The following HDAC4 variants were observed in gnomAD, a reference collection of about 807,000 sequenced individuals.
The protein encoded by HDAC4 is histone deacetylase 4.
A neutral mutation model predicts 135.1 loss-of-function variants in HDAC4; 16 were observed. The observed-to-expected ratio is 0.12, with a 90% confidence interval of 0.08 to 0.18. The LOEUF is 0.18. Ranked by LOEUF, HDAC4 falls within the 10% of genes least tolerant of loss-of-function variation. The pLI, the probability that HDAC4 is intolerant of heterozygous loss-of-function variation, is 1.00. For synonymous variants in HDAC4, 685 were observed against 653.4 expected, an observed-to-expected ratio of 1.05 and a Z score of -0.74; for missense variants, 1,143 against 1,511.8, an observed-to-expected ratio of 0.76 and a Z score of 4.05.
In HDAC4 at chr2:239,120,617, G is replaced by A. The variant is rs545875648; in HGVS notation, c.1534-5307C>T. On this transcript the variant is annotated intron_variant, in intron 12 of 26. Coordinates refer to ENST00000543185, the MANE Select transcript of HDAC4 (RefSeq NM_001378414.1). Reference sequence around the variant, plus strand: ...GTGGGGGAGGGAAATGGGGGGGCGGGGAAGGGAAATAGGGGGAGGGGTGGG... The same window carrying A: ...GTGGGGGAGGGAAATGGGGGGGCGGAGAAGGGAAATAGGGGGAGGGGTGGG... 3.0e-3 allele frequency among the ~76,000 whole-genome samples: 371 copies of A among 122,070 alleles called. 10 individuals carry two copies. The highest frequency in any genetic ancestry group is 0.011 in the African/African-American group (358 of 33,334). 80.1% of individuals were successfully genotyped at this position (122,070 alleles called of 152,430 possible). A position where few individuals can be genotyped will look rare whatever the true frequency, so the allele number is the denominator to read the frequency against.
At chr2:239,384,054 G>A (rs1309749899) in intron 1 of HDAC4, among the ~76,000 whole-genome samples, 2 of 152,180 alleles carry the variant, frequency 1.3e-5, no homozygotes, top group East Asian at 1.9e-4. Context: ...CGAACAGCCC[G>A]GACACAGACA....
chr2:239,263,619 C>T (rs1424572040), intron 2 of HDAC4, among the ~76,000 whole-genome samples: 1 of 152,164 alleles, frequency 6.6e-6, no homozygotes, highest in Non-Finnish European at 1.5e-5. Flanking sequence ...CATCTTCATG[C>T]CTTGCCTGAG....
intron 1 of HDAC4, among the ~76,000 whole-genome samples, chr2:239,366,514 G>T (rs1694225087): frequency 6.6e-6 from 1 of 152,198 alleles, no homozygotes. Flanking sequence ...TCCACATTCT[G>T]GCCTATGATC....
intron 4 of HDAC4, among the ~76,000 whole-genome samples, chr2:239,187,997 C>G (rs1263605347): frequency 6.6e-6 from 1 of 152,242 alleles, no homozygotes; most frequent in Non-Finnish European, 1.5e-5. Context: ...GCAGCAGCAA[C>G]AACTCCCAAG....
chr2:239,207,627 T>C (rs1053767798), intron 3 of HDAC4, among the ~76,000 whole-genome samples: 2 of 152,184 alleles, frequency 1.3e-5, no homozygotes, highest in African/African-American at 4.8e-5. Context: ...AAAACTTACA[T>C]GAAGTAGACA....
chr2:239,193,983 G>A (rs1027615032), intron 3 of HDAC4, among the ~76,000 whole-genome samples: 2 of 152,202 alleles, frequency 1.3e-5, no homozygotes, highest in African/African-American at 4.8e-5. Context: ...CCATCACAAC[G>A]CAGGCACCTG....
chr2:239,070,085 C>A (rs2034017520), intron 22 of HDAC4, among the ~76,000 whole-genome samples: 1 of 152,084 alleles, frequency 6.6e-6, no homozygotes, highest in Non-Finnish European at 1.5e-5. Flanking sequence ...CTTGCTGCGA[C>A]AATGCACTTT....
intron 3 of HDAC4, among the ~76,000 whole-genome samples, chr2:239,224,706 C>T (rs1476017546): frequency 6.6e-6 from 1 of 152,170 alleles, no homozygotes; most frequent in Non-Finnish European, 1.5e-5. Flanking sequence ...TACATGTATT[C>T]CATATGCCAA....
chr2:239,380,881 C>T (rs555468097), intron 1 of HDAC4, among the ~76,000 whole-genome samples: 3 of 152,132 alleles, frequency 2.0e-5, no homozygotes, highest in Non-Finnish European at 4.4e-5. Context: ...GAGGGATGCC[C>T]GGTTTAAACG....
chr2:239,202,625 C>T (rs2153077466), intron 3 of HDAC4, among the ~76,000 whole-genome samples: 1 of 152,216 alleles, frequency 6.6e-6, no homozygotes. Context: ...TGGTCTTCAT[C>T]ACAGGGACAG....
chr2:239,156,814 G>A (rs375431164), intron 6 of HDAC4, 41 bp from the exon 7 acceptor site: 586 of 1,613,148 alleles, frequency 3.6e-4, no homozygotes, highest in Non-Finnish European at 4.8e-4. Context: ...TTTACCCAGC[G>A]CACTGCCCCA....
At chr2:239,333,228 C>T (rs896739565) in intron 2 of HDAC4, among the ~76,000 whole-genome samples, 5 of 151,710 alleles carry the variant, frequency 3.3e-5, no homozygotes, top group African/African-American at 1.2e-4. Context: ...TTTTATATAA[C>T]CTGAAAAATA....
At chr2:239,174,978 G>A (rs1349570895) in intron 5 of HDAC4, among the ~76,000 whole-genome samples, 3 of 152,192 alleles carry the variant, frequency 2.0e-5, no homozygotes, top group Admixed American at 2.0e-4. Context: ...TTATCTTTGG[G>A]GAAGGGGGAA....
rs368932930 is a variant in HDAC4 at position 239,102,885 on chromosome 2, T to C, written c.2124A>G (p.Gly708=). ...GLRGKCECIR[G]RKATLEELQT... is the part of the protein sequence containing the mutation. ...GTAGCTCCTCCAGGGTGGCCTTGCG[T>C]CCGCGGATGCACTGTGGGGACAGGC... Residue 708 remains glycine, a synonymous_variant, in exon 16 of 27, where the codon GGA becomes GGG. Coordinates refer to ENST00000543185, the MANE Select transcript of HDAC4 (RefSeq NM_001378414.1). The C allele has an allele frequency of 1.9e-6, 3 of 1,613,860 alleles. No individual in the cohort carries two copies.
chr2:239,399,188 G>GA (rs1391696391), intron 1 of HDAC4, among the ~76,000 whole-genome samples: 2 of 152,032 alleles, frequency 1.3e-5, no homozygotes, highest in Non-Finnish European at 1.5e-5. Context: ...AGAGCTACCT[G>GA]AAAAAAAATT....
At chr2:239,195,131 C>T (rs2045289534) in intron 3 of HDAC4, among the ~76,000 whole-genome samples, 1 of 152,218 alleles carries the variant, frequency 6.6e-6, no homozygotes, top group Non-Finnish European at 1.5e-5. Flanking sequence ...GCGCAGAATG[C>T]TGTCGCTGTT....
intron 8 of HDAC4, among the ~76,000 whole-genome samples, chr2:239,143,194 C>G (rs1014936550): frequency 5.9e-5 from 9 of 152,088 alleles, no homozygotes; most frequent in African/African-American, 2.2e-4. Context: ...TGGGTGACAA[C>G]AGGAACACCA....
intron 1 of HDAC4, among the ~76,000 whole-genome samples, chr2:239,380,713 AT>A (rs1211233437): frequency 2.0e-5 from 3 of 152,094 alleles, no homozygotes; most frequent in African/African-American, 7.2e-5. Context: ...ACAATTGAAA[AT>A]TTTTTTTATA....
intron 11 of HDAC4, among the ~76,000 whole-genome samples, chr2:239,130,447 G>A (rs1162157551): frequency 1.3e-5 from 2 of 152,182 alleles, no homozygotes; most frequent in Non-Finnish European, 2.9e-5. Context: ...GCTCAGGAAG[G>A]CTACGTAGCC....
Sources: gnomAD v4.1 joint callset for allele counts (sites outside exome capture counted in the v4.1 genomes callset) on GRCh38, gnomAD v4.1.1 for gene constraint, MANE v1.5 for transcripts, NCBI Gene and HGNC (gene_info 2026-07-23, HGNC 2026-07-21) for gene names.